The following MAMDC2 variants were observed in gnomAD, a reference collection of about 807,000 sequenced individuals.
MAMDC2 encodes MAM domain containing 2.
Under a neutral mutation model 89.8 loss-of-function variants are expected in MAMDC2, and 57 were observed. The ratio of observed to expected loss-of-function variants is 0.63; its 90% CI spans 0.51 to 0.79. The LOEUF (loss-of-function observed/expected upper bound fraction) is 0.79, where lower values mean the gene tolerates loss of function less well. Ranked by LOEUF, MAMDC2 falls within the 30% of genes least tolerant of loss-of-function variation. The pLI, the probability that MAMDC2 is intolerant of heterozygous loss-of-function variation, is 0.00. For synonymous variants in MAMDC2, 313 were observed against 293.4 expected, an observed-to-expected ratio of 1.07 and a Z score of -0.68; for missense variants, 800 against 820.6, an observed-to-expected ratio of 0.97 and a Z score of 0.31.
chr9:70,144,099 G>C (rs773846657), intron 9 of MAMDC2, among the ~76,000 whole-genome samples: 2 of 152,168 alleles, frequency 1.3e-5, no homozygotes, highest in Non-Finnish European at 2.9e-5. Flanking sequence ...AATTGTCCAA[G>C]TTCAACAGCT....
intron 11 of MAMDC2, among the ~76,000 whole-genome samples, chr9:70,189,986 T>A (rs1008180198): frequency 2.0e-5 from 3 of 152,174 alleles, no homozygotes; most frequent in African/African-American, 4.8e-5. Flanking sequence ...CATTGAGTCA[T>A]CATTCTCATA....
intron 5 of MAMDC2, among the ~76,000 whole-genome samples, chr9:70,120,240 G>A (rs2030223873): frequency 6.6e-6 from 1 of 152,010 alleles, no homozygotes; most frequent in Admixed American, 6.6e-5. Flanking sequence ...CCAGTGCCAG[G>A]CTCCATCTCT....
At chr9:70,108,665 A>T (rs1438713940) in intron 3 of MAMDC2, among the ~76,000 whole-genome samples, 183 bp downstream of exon 3, 1 of 152,244 alleles carries the variant, frequency 6.6e-6, no homozygotes, top group Non-Finnish European at 1.5e-5. Flanking sequence ...ATTCCTTAAA[A>T]GAGCTTCTTC....
At chr9:70,179,262 C>T (rs1436296033) in intron 11 of MAMDC2, among the ~76,000 whole-genome samples, 3 of 152,036 alleles carry the variant, frequency 2.0e-5, no homozygotes, top group African/African-American at 7.2e-5. Context: ...CTTGTAATCC[C>T]AGCACTTTGG....
intron 9 of MAMDC2, among the ~76,000 whole-genome samples, chr9:70,146,703 C>T (rs1448557357): frequency 1.3e-5 from 2 of 152,050 alleles, no homozygotes; most frequent in East Asian, 1.9e-4. Flanking sequence ...GAGACCGAGG[C>T]GAGTCGATCA....
Position 70,082,759 on chromosome 9 carries a change from T to C in MAMDC2, c.149-25452T>C, listed in dbSNP as rs189703944. The C allele has an allele frequency of 1.8e-3, 276 of 152,286 alleles. 2 individuals carry two copies. The highest frequency in any genetic ancestry group is 6.3e-3 in the African/African-American group (263 of 41,562). The allele number at this position is 152,286 out of a possible 1,614,324, so 9.4% of individuals were successfully genotyped here. On this transcript the variant is annotated intron_variant, in intron 2 of 13. Transcript: ENST00000377182. ...GGGTCTGTTTCTGGCATAATTACTGTTGGAGGGCTGATGAGAGAAAAGTGT... is the reference window on the plus strand; with the variant it reads ...GGGTCTGTTTCTGGCATAATTACTGCTGGAGGGCTGATGAGAGAAAAGTGT...
At chr9:70,151,498 G>A (rs1927117) in intron 9 of MAMDC2, among the ~76,000 whole-genome samples, 10,467 of 152,262 alleles carry the variant, frequency 0.069, 569 homozygotes, top group East Asian at 0.22. Context: ...TGTTTGGTAC[G>A]TATGTGGTCA....
chr9:70,074,867 T>C (rs576136475), intron 2 of MAMDC2, among the ~76,000 whole-genome samples: 2 of 152,336 alleles, frequency 1.3e-5, no homozygotes, highest in East Asian at 1.9e-4. Context: ...TCTTTTTGCA[T>C]GGATCCCTTG....
At chr9:70,100,409 A>C (rs1194475408) in intron 2 of MAMDC2, among the ~76,000 whole-genome samples, 2 of 152,212 alleles carry the variant, frequency 1.3e-5, no homozygotes, top group African/African-American at 2.4e-5. Context: ...AGGGAGGCAG[A>C]CAGTTAAGGC....
intron 2 of MAMDC2, chr9:70,062,724 A>G (rs1490266115): frequency 2.6e-5 from 4 of 152,238 alleles, no homozygotes; most frequent in Non-Finnish European, 4.4e-5. Context: ...CTGGATCACC[A>G]GGGTTGGAGC....
intron 2 of MAMDC2, chr9:70,081,791 A>C (rs1827659106): frequency 6.6e-6 from 1 of 152,114 alleles, no homozygotes; most frequent in Non-Finnish European, 1.5e-5. Flanking sequence ...TCCCATAGTC[A>C]TCATATGAGC....
At chr9:70,068,289 A>G (rs1827314917) in intron 2 of MAMDC2, among the ~76,000 whole-genome samples, 1 of 152,168 alleles carries the variant, frequency 6.6e-6, no homozygotes, top group Non-Finnish European at 1.5e-5. Context: ...AGTAGCCTGT[A>G]TTTGAGGCAC....
intron 2 of MAMDC2, among the ~76,000 whole-genome samples, chr9:70,062,212 T>C (rs1827164053): frequency 6.6e-6 from 1 of 152,124 alleles, no homozygotes; most frequent in Admixed American, 6.6e-5. Flanking sequence ...AGAGTAGTTG[T>C]TTTGGAAGGA....
intron 7 of MAMDC2, among the ~76,000 whole-genome samples, chr9:70,138,374 T>C (rs1310056877): frequency 1.3e-5 from 2 of 152,196 alleles, no homozygotes; most frequent in African/African-American, 4.8e-5. Context: ...AACATACAAG[T>C]GCATCATCTT....
At position 70,108,484 on chromosome 9, in the gene MAMDC2, T is replaced by C. The variant is rs750461769; in HGVS notation, c.420+2T>C. 3 of 1,585,530 alleles carry C rather than the reference T, an allele frequency of 1.9e-6. No homozygotes were observed. Among genetic ancestry groups the C allele is most frequent in the Non-Finnish European group, 2.6e-6 (3 of 1,169,048 alleles). The stretch of plus-strand genomic sequence containing the variant: ...CAAAACAGTTCCAAGAAATTCAAGG[T>C]AGGTGGAGTTTAGGAGAAAGATATA... On this transcript the variant is annotated splice_donor_variant, in intron 3 of 13. Transcript: ENST00000377182. LOFTEE classifies it high-confidence loss of function.
intron 2 of MAMDC2, among the ~76,000 whole-genome samples, chr9:70,107,963 C>A (rs560437949): frequency 1.2e-4 from 18 of 152,134 alleles, no homozygotes; most frequent in Non-Finnish European, 2.1e-4. Flanking sequence ...AAGTGGAGAC[C>A]ACATGCCACC....
chr9:70,150,889 C>T (rs1055139890), intron 9 of MAMDC2, among the ~76,000 whole-genome samples: 2 of 152,192 alleles, frequency 1.3e-5, no homozygotes, highest in Non-Finnish European at 2.9e-5. Flanking sequence ...TTCTTTGAAA[C>T]AGGAATCAAA....
intron 8 of MAMDC2, 26 bp downstream of exon 8, chr9:70,140,314 G>C (rs1193210448): frequency 1.9e-6 from 3 of 1,555,736 alleles, no homozygotes; most frequent in East Asian, 2.5e-5. Context: ...GTCTATGTGG[G>C]GACATCTTGG....
At chr9:70,182,157 T>A (rs1260945620) in intron 11 of MAMDC2, among the ~76,000 whole-genome samples, 3 of 152,206 alleles carry the variant, frequency 2.0e-5, no homozygotes, top group Admixed American at 1.3e-4. Context: ...TGGATTACAT[T>A]TATTGATTTG....
Sources: allele counts gnomAD v4.1 joint callset (sites outside exome capture counted in the v4.1 genomes callset), GRCh38; gene constraint gnomAD v4.1.1; transcripts MANE v1.5; gene names NCBI Gene and HGNC (gene_info 2026-07-23, HGNC 2026-07-21).